Variants in WDR35 observed in about 807,000 individuals in gnomAD.
The protein encoded by WDR35 is WD repeat domain 35.
WDR35 carries 118 observed loss-of-function variants against 158.3 expected under a neutral mutation model. That is an observed-to-expected ratio of 0.75 (90% CI 0.64 to 0.87). The LOEUF is 0.87. Among genes scored for constraint, WDR35 ranks in the 40% least tolerant of loss-of-function variants. WDR35 has a pLI of 0.00. For synonymous variants in WDR35, 448 were observed against 476.1 expected (o/e 0.94, Z 0.77); for missense variants, 1,263 against 1,405.8 (o/e 0.90, Z 1.62).
chr2:19,943,460 G>C (rs1423676075), intron 16 of WDR35, among the ~76,000 whole-genome samples: 2 of 151,956 alleles, frequency 1.3e-5, no homozygotes, highest in Non-Finnish European at 2.9e-5. Flanking sequence ...AAAAAATAAA[G>C]TTATGTCATC....
At chr2:19,956,618 C>CTTTTT in intron 11 of WDR35, among the ~76,000 whole-genome samples, 1 of 129,402 alleles carries the variant, frequency 7.7e-6, no homozygotes, top group Non-Finnish European at 1.6e-5. Context: ...CTTAATAATA[C>CTTTTT]TTTTTTTTTT....
intron 1 of WDR35, 61 bp from the exon 2 acceptor site, chr2:19,989,343 G>A: frequency 7.2e-7 from 1 of 1,385,840 alleles, no homozygotes; most frequent in Non-Finnish European, 1.0e-6. Context: ...AAGTAAGTCT[G>A]CAGGAGATGA....
intron 25 of WDR35, among the ~76,000 whole-genome samples, chr2:19,921,656 A>G (rs1268824229): frequency 6.6e-6 from 1 of 152,264 alleles, no homozygotes; most frequent in African/African-American, 2.4e-5. Flanking sequence ...ACCATTCAGG[A>G]CATAGGCATG....
chr2:19,971,399 G>T (rs1247585091), intron 8 of WDR35, among the ~76,000 whole-genome samples: 1 of 152,150 alleles, frequency 6.6e-6, no homozygotes, highest in Admixed American at 6.5e-5. Flanking sequence ...AGGGGAATTA[G>T]GTCCCCTCTT....
intron 8 of WDR35, among the ~76,000 whole-genome samples, chr2:19,972,713 T>A (rs184211592): frequency 2.9e-3 from 442 of 152,110 alleles, no homozygotes; most frequent in Admixed American, 6.4e-3. Flanking sequence ...AAAGAAATTA[T>A]TAAAATATAT....
In WDR35 at chr2:19,933,515, T is replaced by C. The variant is rs770757293; in HGVS notation, c.2548-4A>G. On this transcript the variant is annotated splice_polypyrimidine_tract_variant and splice_region_variant and intron_variant, in intron 21 of 26. Transcript: ENST00000281405. ...TGACAAACATTTGTGCTATTTCCTG[T>C]ACAAACAAAACAATACTATCAGATT... 3.7e-6 allele frequency: 6 copies of C among 1,610,424 alleles called. No homozygotes were observed. The highest frequency in any genetic ancestry group is 5.1e-6 in the Non-Finnish European group (6 of 1,177,214).
intron 25 of WDR35, among the ~76,000 whole-genome samples, chr2:19,919,380 C>CAAAAAAAAAAAAAAAAAAAAA (rs1302042752): frequency 1.7e-4 from 8 of 48,228 alleles, no homozygotes; most frequent in African/African-American, 3.3e-4. Context: ...GGCTCCATCT[C>CAAAAAAAAAAAAAAAAAAAAA]AAAAAAAAAA....
At position 19,953,881 on chromosome 2, in the gene WDR35, T is replaced by G; in HGVS notation, c.1353A>C (p.Ala451=). 1 of 1,614,172 alleles carries G rather than the reference T, an allele frequency of 6.2e-7. No homozygotes were observed. Among genetic ancestry groups the G allele is most frequent in the Non-Finnish European group, 8.5e-7 (1 of 1,180,006 alleles). The change falls in exon 12 of 27, where the codon GCA becomes GCC. Residue 451 remains alanine (A), a synonymous_variant. Transcript: ENST00000281405. The part of the protein sequence containing the change: ...WQYRVAKKLT[A]LEINQITRSR... Reference sequence around the variant, plus strand: ...ACCGTGTGATCTGATTAATTTCCAATGCTGTGAGCTTCTTTGCCACACGAT... The same window carrying G: ...ACCGTGTGATCTGATTAATTTCCAAGGCTGTGAGCTTCTTTGCCACACGAT...
Position 19,990,095 on chromosome 2 carries a change from A to T in WDR35, c.-80T>A. The T allele has an allele frequency of 6.3e-7, 1 of 1,579,894 alleles. No homozygotes were observed. On this transcript the variant is annotated 5_prime_UTR_variant, in exon 1 of 27. Coordinates refer to ENST00000281405, the MANE Select transcript of WDR35 (RefSeq NM_020779.4). The stretch of plus-strand genomic sequence containing the variant: ...TTCTACGTCTCCAATCGGGAGTACC[A>T]GCAGCTCCGGAAAGCTCCCGTCGCC...
intron 10 of WDR35, among the ~76,000 whole-genome samples, chr2:19,964,381 C>CTTTTTTTTT (rs558586617): frequency 2.6e-4 from 30 of 113,424 alleles, no homozygotes; most frequent in African/African-American, 3.4e-4. Flanking sequence ...CTTTTCTTTT[C>CTTTTTTTTT]TTTTTTTTTT....
chr2:19,955,340 A>G (rs985488333), intron 11 of WDR35, among the ~76,000 whole-genome samples: 14 of 152,308 alleles, frequency 9.2e-5, no homozygotes, highest in Admixed American at 8.5e-4. Context: ...AATTTTTAAT[A>G]TTCCTAATAT....
intron 25 of WDR35, among the ~76,000 whole-genome samples, chr2:19,917,737 G>T (rs934162604): frequency 2.0e-5 from 3 of 152,160 alleles, no homozygotes; most frequent in Non-Finnish European, 4.4e-5. Context: ...AAGAAGTATG[G>T]GACTATGTGA....
chr2:19,938,025 T>C (rs1335611825), intron 18 of WDR35, 79 bp from the exon 19 acceptor site: 1 of 1,514,266 alleles, frequency 6.6e-7, no homozygotes, highest in African/African-American at 1.4e-5. Flanking sequence ...AATTCAATTA[T>C]CATTTATGTC....
In WDR35 at chr2:19,910,916, T is replaced by C. The variant is rs111703061; in HGVS notation, c.*2642A>G. On this transcript the variant is annotated 3_prime_UTR_variant, in exon 27 of 27. Transcript: ENST00000281405. ...TAAGCTTTTACAAAAGTAAAAAAGA[T>C]GTGCCTGTCTATATACATATGCGCG... 2 of 152,356 alleles carry C rather than the reference T, an allele frequency of 1.3e-5. No individual in the cohort carries two copies. The highest frequency in any genetic ancestry group is 2.9e-5 in the Non-Finnish European group (2 of 68,036). 9.4% of individuals were successfully genotyped at this position (152,356 alleles called of 1,614,324 possible).
intron 23 of WDR35, among the ~76,000 whole-genome samples, chr2:19,931,896 C>A (rs980742593): frequency 2.0e-5 from 3 of 151,988 alleles, no homozygotes; most frequent in Non-Finnish European, 4.4e-5. Context: ...TAATACTGTA[C>A]TAATTATCTT....
intron 2 of WDR35, among the ~76,000 whole-genome samples, chr2:19,987,461 C>A (rs1004044361): frequency 3.9e-5 from 6 of 152,022 alleles, no homozygotes; most frequent in Non-Finnish European, 8.8e-5. Context: ...AAGGGCAGAG[C>A]AGAAAAAGAA....
intron 13 of WDR35, among the ~76,000 whole-genome samples, chr2:19,950,472 A>C (rs1671201575): frequency 6.6e-6 from 1 of 152,190 alleles, no homozygotes; most frequent in African/African-American, 2.4e-5. Context: ...AGTAGCTGGA[A>C]GAAAATACGT....
At chr2:19,989,489 G>C (rs185601960) in intron 1 of WDR35, among the ~76,000 whole-genome samples, 5 of 152,312 alleles carry the variant, frequency 3.3e-5, no homozygotes, top group African/African-American at 1.2e-4. Context: ...GTGCACAAAA[G>C]AGAAGGATAG....
chr2:19,948,709 T>G (rs1671138937), intron 13 of WDR35, among the ~76,000 whole-genome samples: 1 of 152,176 alleles, frequency 6.6e-6, no homozygotes, highest in African/African-American at 2.4e-5. Context: ...TACTATATGA[T>G]TCTATCCATA....
Sources: allele counts gnomAD v4.1 joint callset (sites outside exome capture counted in the v4.1 genomes callset), GRCh38; gene constraint gnomAD v4.1.1; transcripts MANE v1.5; gene names NCBI Gene and HGNC (gene_info 2026-07-23, HGNC 2026-07-21).